RFX8: variants seen among roughly 807,000 people sequenced by gnomAD.
RFX8 encodes the protein regulatory factor X8.
In RFX8, 46 loss-of-function variants were observed where a neutral mutation model predicts 54.6. The observed-to-expected ratio is 0.84, with a 90% CI of 0.67 to 1.08. The LOEUF (loss-of-function observed/expected upper bound fraction) is 1.08. RFX8 is among the 50% of genes least tolerant of loss of function. The probability of loss-of-function intolerance (pLI) is 0.00; values close to 1 mark genes in which losing one functional copy is unlikely to be tolerated. For missense variants in RFX8, 536 were observed against 562.3 expected (o/e 0.95, Z 0.47); for synonymous variants, 192 against 209.5 (o/e 0.92, Z 0.72).
intron 2 of RFX8, among the ~76,000 whole-genome samples, chr2:101,446,539 A>G (rs1043892530): frequency 1.3e-5 from 2 of 152,072 alleles, no homozygotes; most frequent in African/African-American, 4.8e-5. Flanking sequence ...TGCTGGCCTT[A>G]TCTCATGACC....
At chr2:101,461,138 G>A (rs1196580372) in intron 2 of RFX8, among the ~76,000 whole-genome samples, 1 of 151,260 alleles carries the variant, frequency 6.6e-6, no homozygotes, top group Non-Finnish European at 1.5e-5. Context: ...GCATGGTAGC[G>A]GGCACCTGTA....
chr2:101,399,593 C>T (rs1420103664), intron 11 of RFX8, among the ~76,000 whole-genome samples: 1 of 152,160 alleles, frequency 6.6e-6, no homozygotes, highest in Non-Finnish European at 1.5e-5. Flanking sequence ...AGGAAGTGCT[C>T]AGCTTAGGAG....
chr2:101,398,551 A>G (rs1296948796), intron 11 of RFX8, among the ~76,000 whole-genome samples: 1 of 151,894 alleles, frequency 6.6e-6, no homozygotes, highest in Non-Finnish European at 1.5e-5. Flanking sequence ...AAACCACTAA[A>G]TGGGGGAAAA....
chr2:101,456,057 G>C (rs1029289281), intron 2 of RFX8, among the ~76,000 whole-genome samples: 5 of 152,190 alleles, frequency 3.3e-5, no homozygotes, highest in African/African-American at 1.2e-4. Flanking sequence ...TTTGTACATT[G>C]ATTTTGTATC....
intron 2 of RFX8, among the ~76,000 whole-genome samples, chr2:101,466,185 T>C (rs1689563447): frequency 6.6e-6 from 1 of 152,072 alleles, no homozygotes; most frequent in Non-Finnish European, 1.5e-5. Flanking sequence ...ACACTGCAAG[T>C]TCACTCCTGG....
chr2:101,438,735 T>C (rs6708469), intron 2 of RFX8, among the ~76,000 whole-genome samples: 114,682 of 151,658 alleles, frequency 0.76, 44,300 homozygotes, highest in Middle Eastern at 0.88. Flanking sequence ...CTTGCTGGCA[T>C]TGGGTGCTGT....
intron 2 of RFX8, among the ~76,000 whole-genome samples, chr2:101,443,723 A>G (rs1688223139): frequency 6.6e-6 from 1 of 152,136 alleles, no homozygotes; most frequent in African/African-American, 2.4e-5. Flanking sequence ...GAAATGTGCA[A>G]CACAGTCTGT....
intron 2 of RFX8, among the ~76,000 whole-genome samples, chr2:101,445,395 T>A (rs964300865): frequency 6.6e-6 from 1 of 151,870 alleles, no homozygotes; most frequent in Non-Finnish European, 1.5e-5. Context: ...CATCTCGCGA[T>A]TGTTCCTTTT....
At chr2:101,459,984 G>A (rs6760956) in intron 2 of RFX8, among the ~76,000 whole-genome samples, 63,111 of 152,034 alleles carry the variant, frequency 0.42, 15,108 homozygotes, top group Non-Finnish European at 0.51. Flanking sequence ...CATCCTCGCA[G>A]GTCGATCTCA....
chr2:101,434,075 T>C (rs1044229988), intron 2 of RFX8, among the ~76,000 whole-genome samples: 1 of 151,824 alleles, frequency 6.6e-6, no homozygotes, highest in Non-Finnish European at 1.5e-5. Context: ...CTAGTTCTCA[T>C]GAACACCTGT....
chr2:101,458,640 A>T (rs1294055451), intron 2 of RFX8, among the ~76,000 whole-genome samples: 1 of 152,150 alleles, frequency 6.6e-6, no homozygotes, highest in African/African-American at 2.4e-5. Flanking sequence ...TCTGCCCTTA[A>T]CACTTTTTCC....
chr2:101,456,780 A>G (rs1688991416), intron 2 of RFX8, among the ~76,000 whole-genome samples: 1 of 152,192 alleles, frequency 6.6e-6, no homozygotes, highest in African/African-American at 2.4e-5. Flanking sequence ...TAGTTTCAGA[A>G]GGAATGGTAC....
In RFX8 at chr2:101,410,748, C is replaced by T. The variant is rs551344096; in HGVS notation, c.719-35G>A. The T allele has an allele frequency of 3.7e-6, 4 of 1,091,360 alleles. No homozygotes were observed. In the South Asian group the frequency reaches 5.5e-5, roughly 15 times the overall value. The allele number at this position is 1,091,360 out of a possible 1,614,324, so 67.6% of individuals were successfully genotyped here. A position where few individuals can be genotyped will look rare whatever the true frequency, so the allele number is the denominator to read the frequency against. ...CACAAAATAAACAAACAAAAGATTG[C>T]ATGCAGCAGAGCAGAATTTCTCTTA... On this transcript the variant is annotated intron_variant, in intron 8 of 11. Transcript: ENST00000428343.
chr2:101,443,315 T>A (rs188613814), intron 2 of RFX8, among the ~76,000 whole-genome samples: 1 of 152,284 alleles, frequency 6.6e-6, no homozygotes, highest in Admixed American at 6.5e-5. Context: ...TGGAGGGGCA[T>A]GGAGAAATAG....
intron 6 of RFX8, 91 bp downstream of exon 6, chr2:101,417,443 C>T (rs1158159220): frequency 6.5e-6 from 8 of 1,222,592 alleles, no homozygotes; most frequent in African/African-American, 3.1e-5. Context: ...TGGCCTCAAG[C>T]GATCCTCCTG....
In RFX8 at chr2:101,413,043, C is replaced by G. The variant is rs1465723900; in HGVS notation, c.590G>C (p.Arg197Thr). 6.4e-7 allele frequency: 1 copy of G among 1,552,126 alleles called. No individual in the cohort carries two copies. Among genetic ancestry groups the G allele is most frequent in the Non-Finnish European group, 8.7e-7 (1 of 1,147,060 alleles). ...ATCTGACTTCAAAACGCTGACACGCCTCTTACTTTTCAATACCATTCGCAT... is the reference window on the plus strand; with the variant it reads ...ATCTGACTTCAAAACGCTGACACGCGTCTTACTTTTCAATACCATTCGCAT... ...KTMRMVLKSK[R>T]RVSVLKSDLQ... The change falls in exon 8 of 12, where the codon AGG (arginine) becomes ACG (threonine). Residue 197 changes from arginine to threonine, a missense_variant. Coordinates refer to ENST00000428343, the MANE Select transcript of RFX8 (RefSeq NM_001145664.2).
chr2:101,473,669 A>G (rs534822772), intron 1 of RFX8, among the ~76,000 whole-genome samples: 3 of 152,354 alleles, frequency 2.0e-5, no homozygotes, highest in Admixed American at 1.3e-4. Flanking sequence ...ATTTAAGAAG[A>G]TCTGCAACCC....
chr2:101,407,649 G>A (rs1052966126), intron 9 of RFX8, among the ~76,000 whole-genome samples: 40 of 151,864 alleles, frequency 2.6e-4, no homozygotes, highest in African/African-American at 7.0e-4. Context: ...CTGAGATTGC[G>A]CCGCTGCACT....
chr2:101,428,014 C>T (rs1011913043), intron 2 of RFX8, among the ~76,000 whole-genome samples: 1 of 151,888 alleles, frequency 6.6e-6, no homozygotes, highest in African/African-American at 2.4e-5. Context: ...CTAATCCCGG[C>T]TGAGCGTGGT....
Sources: allele counts gnomAD v4.1 joint callset (sites outside exome capture counted in the v4.1 genomes callset), GRCh38; gene constraint gnomAD v4.1.1; transcripts MANE v1.5; gene names NCBI Gene and HGNC (gene_info 2026-07-23, HGNC 2026-07-21).